Variants in MTA3 observed in about 807,000 individuals in gnomAD.
The protein encoded by MTA3 is metastasis associated 1 family member 3.
MTA3 carries 34 observed loss-of-function variants against 83.5 expected under a neutral mutation model. That is an observed-to-expected ratio of 0.41 (90% CI 0.31 to 0.54). The LOEUF is 0.54. MTA3 is among the 20% of genes least tolerant of loss of function. MTA3 has a pLI of 0.33. For synonymous variants in MTA3, 303 were observed against 252.7 expected, an observed-to-expected ratio of 1.20 and a Z score of -1.89; for missense variants, 761 against 726.4, an observed-to-expected ratio of 1.05 and a Z score of -0.55.
chr2:42,731,560 C>T (rs1311661363), intron 16 of MTA3, among the ~76,000 whole-genome samples: 4 of 152,110 alleles, frequency 2.6e-5, no homozygotes, highest in South Asian at 2.1e-4. Flanking sequence ...ACAAGAATAG[C>T]GTGGGAAAGA....
intron 9 of MTA3, among the ~76,000 whole-genome samples, chr2:42,695,240 C>T (rs978555790): frequency 2.0e-5 from 3 of 151,994 alleles, no homozygotes; most frequent in Non-Finnish European, 2.9e-5. Context: ...CTGAATATGA[C>T]TTGTTTGGGG....
At chr2:42,537,195 T>G (rs1299056801) in intron 2 of MTA3, among the ~76,000 whole-genome samples, 1 of 152,144 alleles carries the variant, frequency 6.6e-6, no homozygotes, top group South Asian at 2.1e-4. Context: ...TCTAAAGATA[T>G]TGGCCTGAAT....
In MTA3 at chr2:42,722,911, T is replaced by C; in HGVS notation, c.1635T>C (p.Pro545=). ...CAGAGATCCATCCTGCAAAGAAACCTAATGTAATTCGATCTACACCAAGCC... is the reference window on the plus strand; with the variant it reads ...CAGAGATCCATCCTGCAAAGAAACCCAATGTAATTCGATCTACACCAAGCC... ...GYLEIHPAKK[P]NVIRSTPSLQ... Residue 545 remains proline (P), a synonymous_variant, in exon 16 of 17, where the codon CCT becomes CCC. Coordinates refer to ENST00000405094, the MANE Select transcript of MTA3 (RefSeq NM_001330442.2). 6.6e-7 allele frequency: 1 copy of C among 1,525,580 alleles called. No homozygotes were observed. The highest frequency in any genetic ancestry group is 8.8e-7 in the Non-Finnish European group (1 of 1,135,384). The allele number at this position is 1,525,580 out of a possible 1,614,324, so 94.5% of individuals were successfully genotyped here.
intron 6 of MTA3, among the ~76,000 whole-genome samples, chr2:42,651,918 A>AC (rs1170464502): frequency 6.6e-6 from 1 of 151,318 alleles, no homozygotes; most frequent in Non-Finnish European, 1.5e-5. Context: ...ACATGGTGAA[A>AC]CCCCGTCTCA....
Position 42,664,349 on chromosome 2 carries a change from G to T in MTA3, c.702+4487G>T, listed in dbSNP as rs929831490. Among the ~76,000 whole-genome samples, 12 of 151,538 alleles carry T rather than the reference G, an allele frequency of 7.9e-5. No homozygotes were observed. In the South Asian group the frequency reaches 8.3e-4, roughly 11 times the overall value. On this transcript the variant is annotated intron_variant, in intron 8 of 16. Coordinates refer to ENST00000405094, the MANE Select transcript of MTA3 (RefSeq NM_001330442.2). Reference sequence around the variant, plus strand: ...GTTTCCCAAAAAGAACATATGAAAGGTTCATTGGTTGTTTTGTACCATTAA... The same window carrying T: ...GTTTCCCAAAAAGAACATATGAAAGTTTCATTGGTTGTTTTGTACCATTAA...
At chr2:42,746,247 A>G (rs1030803162) in intron 16 of MTA3, among the ~76,000 whole-genome samples, 9 of 152,106 alleles carry the variant, frequency 5.9e-5, no homozygotes, top group Admixed American at 3.3e-4. Context: ...GTTTTATTAA[A>G]CTTGAAATAG....
chr2:42,555,490 G>C (rs1279906157), intron 2 of MTA3, among the ~76,000 whole-genome samples: 1 of 147,752 alleles, frequency 6.8e-6, no homozygotes, highest in Non-Finnish European at 1.5e-5. Context: ...GCCGGGCGCA[G>C]TGGCTCACAC....
chr2:42,602,369 T>G (rs988166031), intron 3 of MTA3, among the ~76,000 whole-genome samples: 3 of 152,214 alleles, frequency 2.0e-5, no homozygotes, highest in African/African-American at 7.2e-5. Context: ...TGTACAGGTC[T>G]TTTGGTGTAC....
chr2:42,554,090 C>G (rs1202643616), intron 2 of MTA3, among the ~76,000 whole-genome samples: 1 of 151,924 alleles, frequency 6.6e-6, no homozygotes, highest in Non-Finnish European at 1.5e-5. Context: ...AAAAATTAGC[C>G]AGATGCTGTG....
chr2:42,743,451 G>T (rs1669183421), intron 16 of MTA3, among the ~76,000 whole-genome samples: 1 of 152,214 alleles, frequency 6.6e-6, no homozygotes, highest in Non-Finnish European at 1.5e-5. Flanking sequence ...TCAGAAGAGA[G>T]ATGAGTTTTC....
intron 2 of MTA3, among the ~76,000 whole-genome samples, chr2:42,550,652 C>G (rs1677067558): frequency 6.6e-6 from 1 of 152,090 alleles, no homozygotes; most frequent in South Asian, 2.1e-4. Context: ...GGAAGGGGAA[C>G]TGGGGGACAG....
At chr2:42,553,880 A>G (rs1314076583) in intron 2 of MTA3, among the ~76,000 whole-genome samples, 1 of 57,144 alleles carries the variant, frequency 1.7e-5, no homozygotes, top group East Asian at 3.1e-4. Flanking sequence ...CAAAAAAAAA[A>G]AAAAAAAGAA....
intron 2 of MTA3, among the ~76,000 whole-genome samples, chr2:42,571,430 A>T (rs1335879689): frequency 1.3e-5 from 2 of 149,106 alleles, no homozygotes; most frequent in Non-Finnish European, 3.0e-5. Context: ...TTAGAGAGTT[A>T]TGCACGATTC....
At chr2:42,695,974 T>C (rs1693357136) in intron 10 of MTA3, 135 bp downstream of exon 10, 1 of 570,926 alleles carries the variant, frequency 1.8e-6, no homozygotes, top group East Asian at 3.0e-5. Flanking sequence ...AACTACATGA[T>C]TTCATATCTT....
Position 42,715,347 on chromosome 2 carries a change from C to T in MTA3, c.1526-3641C>T, listed in dbSNP as rs60194476. Reference sequence around the variant, plus strand: ...TATGTTAAAGAGTGACTAAGGCAGTCCTAGAATCTTTTCACTCTAATTTTT... The same window carrying T: ...TATGTTAAAGAGTGACTAAGGCAGTTCTAGAATCTTTTCACTCTAATTTTT... On this transcript the variant is annotated intron_variant, in intron 14 of 16. Transcript: ENST00000405094. 1.4e-3 allele frequency among the ~76,000 whole-genome samples: 217 copies of T among 151,654 alleles called. 5 individuals carry two copies. In the East Asian group the frequency reaches 0.04, roughly 28 times the overall value.
intron 14 of MTA3, among the ~76,000 whole-genome samples, chr2:42,713,444 A>AT (rs780225534): frequency 1.7e-4 from 25 of 150,290 alleles, no homozygotes; most frequent in East Asian, 5.8e-4. Flanking sequence ...GAGAGTTTAA[A>AT]TTTTTTTTTT....
intron 1 of MTA3, chr2:42,569,921 G>C (rs1678277963): frequency 6.6e-6 from 1 of 151,622 alleles, no homozygotes; most frequent in South Asian, 2.1e-4. Flanking sequence ...AAGTTTGTCA[G>C]CGTTCTTCCT....
intron 2 of MTA3, among the ~76,000 whole-genome samples, chr2:42,573,790 C>T (rs992017542): frequency 1.6e-4 from 24 of 151,492 alleles, no homozygotes; most frequent in African/African-American, 3.4e-4. Context: ...AGATTACAGG[C>T]GTGAGCCACT....
At chr2:42,752,271 C>G (rs1418171851) in intron 16 of MTA3, 2 of 471,318 alleles carry the variant, frequency 4.2e-6, no homozygotes, top group Non-Finnish European at 8.8e-6. Context: ...CTGCTCCATC[C>G]TGCAGCCCTT....
Sources: allele counts gnomAD v4.1 joint callset (sites outside exome capture counted in the v4.1 genomes callset), GRCh38; gene constraint gnomAD v4.1.1; transcripts MANE v1.5; gene names NCBI Gene and HGNC (gene_info 2026-07-23, HGNC 2026-07-21).